Variants in FANCG observed in about 807,000 individuals in gnomAD.
FANCG encodes Fanconi anemia group G protein.
FANCG carries 67 observed loss-of-function variants against 73.3 expected under a neutral mutation model. That is an observed-to-expected ratio of 0.91 (90% confidence interval 0.75 to 1.12). The LOEUF (loss-of-function observed/expected upper bound fraction) is 1.12, where lower values mean the gene tolerates loss of function less well. FANCG is among the 50% of genes most tolerant of loss of function. The pLI, the probability that FANCG is intolerant of heterozygous loss-of-function variation, is 0.00. For synonymous variants in FANCG, 297 were observed against 311.6 expected (o/e 0.95, Z 0.49); for missense variants, 643 against 735.6 (o/e 0.87, Z 1.46).
In FANCG at chr9:35,079,765, G is replaced by A; in HGVS notation, c.-241C>T. 1.7e-6 allele frequency: 1 copy of A among 575,788 alleles called. No individual in the cohort carries two copies. The highest frequency in any genetic ancestry group is 3.1e-6 in the Non-Finnish European group (1 of 321,162). The allele number at this position is 575,788 out of a possible 1,614,324, so 35.7% of individuals were successfully genotyped here. ...GGTTGGCCGGGTCTGCGAAGCTCTG[G>A]GCTGCGGTTGGTCCTCTTGAAGAGT... On this transcript the variant is annotated 5_prime_UTR_variant, in exon 1 of 14. Transcript: ENST00000378643.
intron 4 of FANCG, 118 bp from the exon 5 acceptor site, chr9:35,077,517 G>T: frequency 1.2e-5 from 15 of 1,243,894 alleles, no homozygotes; most frequent in Middle Eastern, 1.9e-4. Flanking sequence ...GAGGACACAG[G>T]CCTCAGCTAC....
chr9:35,077,523 G>C, intron 4 of FANCG, 124 bp from the exon 5 acceptor site: 1 of 1,181,062 alleles, frequency 8.5e-7, no homozygotes, highest in Non-Finnish European at 1.3e-6. Context: ...ACAGGCCTCA[G>C]CTACCCTTAC....
At position 35,074,391 on chromosome 9, in the gene FANCG, C is replaced by T. The variant is rs773083883; in HGVS notation, c.1740G>A (p.Gly580=). 1 of 1,614,200 alleles carries T rather than the reference C, an allele frequency of 6.2e-7. No individual in the cohort carries two copies. Among genetic ancestry groups the T allele is most frequent in the Non-Finnish European group, 8.5e-7 (1 of 1,180,028 alleles). ...CTCACCACAGAGCATCTTCATGTGACCCCTTAGTTTGGGCCTCCAGCCTCC... is the reference window on the plus strand; with the variant it reads ...CTCACCACAGAGCATCTTCATGTGATCCCTTAGTTTGGGCCTCCAGCCTCC... The part of the protein sequence containing the change: ...LWWRLEAQTK[G]SHEDALWSLP... Residue 580 remains glycine, a synonymous_variant, in exon 13 of 14, where the codon GGG becomes GGA. Coordinates refer to ENST00000378643, the MANE Select transcript of FANCG (RefSeq NM_004629.2).
At position 35,075,453 on chromosome 9, in the gene FANCG, C is replaced by T. The variant is rs201070684; in HGVS notation, c.1433+12G>A. ...TCATCCCTCCACACCCCCTCTAGGACCCCGGGCTCACCTGCTAAATTCACT... is the reference window on the plus strand; with the variant it reads ...TCATCCCTCCACACCCCCTCTAGGATCCCGGGCTCACCTGCTAAATTCACT... On this transcript the variant is annotated intron_variant, in intron 10 of 13. Transcript: ENST00000378643. 3.0e-5 allele frequency: 48 copies of T among 1,614,000 alleles called. No homozygotes were observed. The highest frequency in any genetic ancestry group is 3.7e-5 in the Non-Finnish European group (44 of 1,180,020).
At chr9:35,078,905 G>A (rs889369493) in intron 2 of FANCG, among the ~76,000 whole-genome samples, 169 bp from the exon 3 acceptor site, 2 of 152,204 alleles carry the variant, frequency 1.3e-5, no homozygotes, top group Non-Finnish European at 2.9e-5. Context: ...TGGACAGAGA[G>A]TCTGGAAAGG....
intron 1 of FANCG, 46 bp downstream of exon 1, chr9:35,079,395 C>A: frequency 6.2e-7 from 1 of 1,609,410 alleles, no homozygotes; most frequent in Non-Finnish European, 8.5e-7. Context: ...AACCCGCTTT[C>A]AGGGATCTTG....
At position 35,079,533 on chromosome 9, in the gene FANCG, A is replaced by T; in HGVS notation, c.-9T>A. ...GTGGTCTGGCGGGACATGGTGGCCG[A>T]GGCTGGGCCCGGAGACCAGAAGCGG... On this transcript the variant is annotated 5_prime_UTR_variant, in exon 1 of 14. Transcript: ENST00000378643. 1 of 1,613,852 alleles carries T rather than the reference A, an allele frequency of 6.2e-7. No homozygotes were observed. Among genetic ancestry groups the T allele is most frequent in the Non-Finnish European group, 8.5e-7 (1 of 1,179,960 alleles).
In FANCG at chr9:35,075,740, G is replaced by T. The variant is rs201041980; in HGVS notation, c.1158C>A (p.Pro386=). ...DSSEPRFSPP[P]SPPGPCMPEV... ...CAGGCATACAGGGCCCTGGAGGGGA[G>T]GGGGGTGGGGAGAACTGGAGTGGGA... is the stretch of plus-strand genomic sequence containing the variant. Residue 386 remains proline, a synonymous_variant, in exon 10 of 14, where the codon CCC becomes CCA. Coordinates refer to ENST00000378643, the MANE Select transcript of FANCG (RefSeq NM_004629.2). 20 of 588,304 alleles carry T rather than the reference G, an allele frequency of 3.4e-5. No homozygotes were observed. The highest frequency in any genetic ancestry group is 5.6e-5 in the Non-Finnish European group (18 of 319,734). 36.4% of individuals were successfully genotyped at this position (588,304 alleles called of 1,614,324 possible). A position where few individuals can be genotyped will look rare whatever the true frequency, so the allele number is the denominator to read the frequency against.
chr9:35,074,423 G>A lies in FANCG; in HGVS notation c.1708C>T (p.Leu570Phe), dbSNP rs1315856091. The change falls in exon 13 of 14, where the codon CTC becomes TTC. Residue 570 changes from leucine to phenylalanine, a missense_variant. Coordinates refer to ENST00000378643, the MANE Select transcript of FANCG (RefSeq NM_004629.2). The part of the protein sequence containing the change: ...RLDRRDEATA[L>F]WWRLEAQTKG... Reference sequence around the variant, plus strand: ...GTTTGGGCCTCCAGCCTCCACCAGAGTGCAGTGGCCTCATCCCTCCGATCT... The same window carrying A: ...GTTTGGGCCTCCAGCCTCCACCAGAATGCAGTGGCCTCATCCCTCCGATCT... The A allele has an allele frequency of 5.0e-6, 8 of 1,614,224 alleles. No individual in the cohort carries two copies. The highest frequency in any genetic ancestry group is 5.1e-6 in the Non-Finnish European group (6 of 1,180,038).
intron 6 of FANCG, 25 bp from the exon 7 acceptor site, chr9:35,076,895 C>T (rs779357588): frequency 6.2e-7 from 1 of 1,614,228 alleles, no homozygotes. Context: ...GGACACGGGC[C>T]TCAGCTACCC....
rs55802583 is a variant in FANCG at position 35,076,398 on chromosome 9, G to A, written c.1076+34C>T. 4.5e-5 allele frequency: 73 copies of A among 1,612,528 alleles called. No individual in the cohort carries two copies. The African/African-American group carries it at 8.4e-4, about 19-fold the overall frequency. The stretch of plus-strand genomic sequence containing the variant: ...ACCCCAGGGGAGGCATCAGAAGTGG[G>A]AAGAGAAGCTCAGGTGAGCAAGGGG... On this transcript the variant is annotated intron_variant, in intron 8 of 13. Coordinates refer to ENST00000378643, the MANE Select transcript of FANCG (RefSeq NM_004629.2).
chr9:35,076,651 G>A, intron 7 of FANCG, 68 bp from the exon 8 acceptor site: 2 of 1,613,670 alleles, frequency 1.2e-6, no homozygotes, highest in South Asian at 1.1e-5. Flanking sequence ...CTTGGATCTT[G>A]ACTAGTCAAG....
chr9:35,076,196 A>G, intron 8 of FANCG, 168 bp from the exon 9 acceptor site: 1 of 815,858 alleles, frequency 1.2e-6, no homozygotes, highest in Admixed American at 2.0e-5. Context: ...GATCTACCCC[A>G]GTTACAGAAT....
chr9:35,074,409 C>T lies in FANCG; in HGVS notation c.1722G>A (p.Leu574=). 6.2e-7 allele frequency: 1 copy of T among 1,614,208 alleles called. No homozygotes were observed. Among genetic ancestry groups the T allele is most frequent in the South Asian group, 1.1e-5 (1 of 91,086 alleles). ...CATGTGACCCCTTAGTTTGGGCCTC[C>T]AGCCTCCACCAGAGTGCAGTGGCCT... ...RDEATALWWR[L]EAQTKGSHED... The change falls in exon 13 of 14, where the codon CTG becomes CTA. Residue 574 remains leucine (L), a synonymous_variant. Coordinates refer to ENST00000378643, the MANE Select transcript of FANCG (RefSeq NM_004629.2).
chr9:35,075,720 A>C lies in FANCG; in HGVS notation c.1178T>G (p.Met393Arg). ...CGCTGCCTCCAAAAACACCTCAGGCATACAGGGCCCTGGAGGGGAGGGGGG... is the reference window on the plus strand; with the variant it reads ...CGCTGCCTCCAAAAACACCTCAGGCCTACAGGGCCCTGGAGGGGAGGGGGG... ...SPPPSPPGPCMPEVFLEAAVA... is the reference protein window; with the variant it reads ...SPPPSPPGPCRPEVFLEAAVA... Residue 393 changes from methionine to arginine, a missense_variant, in exon 10 of 14, where the codon ATG becomes AGG. By Grantham distance (91) the Met-to-Arg change is moderately conservative. Transcript: ENST00000378643. 2 of 1,012,918 alleles carry C rather than the reference A, an allele frequency of 2.0e-6. No individual in the cohort carries two copies. The highest frequency in any genetic ancestry group is 2.8e-6 in the Non-Finnish European group (2 of 705,894). 62.7% of individuals were successfully genotyped at this position (1,012,918 alleles called of 1,614,324 possible).
chr9:35,074,502 C>T lies in FANCG; in HGVS notation c.1637-8G>A. 1.2e-6 allele frequency: 2 copies of T among 1,613,842 alleles called. No homozygotes were observed. Among genetic ancestry groups the T allele is most frequent in the Non-Finnish European group, 1.7e-6 (2 of 1,179,980 alleles). On this transcript the variant is annotated splice_polypyrimidine_tract_variant and splice_region_variant and intron_variant, in intron 12 of 13. Transcript: ENST00000378643. ...AGTAAGTGTCTCGATTACCTGTAGC[C>T]CCAGCCCAGAGTACAGAGTCTTAGA...
chr9:35,074,885 T>G lies in FANCG; in HGVS notation c.1636+42A>C, dbSNP rs754089024. ...GTATTTCCCATGGGCCTCTCTGTCC[T>G]TGCACATCTATGCATAGCCGACGTC... is the stretch of plus-strand genomic sequence containing the variant. On this transcript the variant is annotated intron_variant, in intron 12 of 13. Transcript: ENST00000378643. The G allele has an allele frequency of 6.2e-6, 10 of 1,612,854 alleles. No individual in the cohort carries two copies. The East Asian group carries it at 2.2e-4, about 36-fold the overall frequency.
In FANCG at chr9:35,078,313, C is replaced by G. The variant is rs778894219; in HGVS notation, c.338G>C (p.Arg113Thr). Residue 113 changes from arginine to threonine, a missense_variant, in exon 4 of 14, where the codon AGG becomes ACG. Arg to Thr is a moderately conservative substitution (Grantham distance 71, BLOSUM62 -1). Coordinates refer to ENST00000378643, the MANE Select transcript of FANCG (RefSeq NM_004629.2). ...VLETQEQQGP[R>T]LEQGLRELWD... is the part of the protein sequence containing the mutation. ...CAGCTCCCTGAGCCCCTGTTCCAAC[C>G]TGGGCCCCTGCTGCTCCTGTGTCTC... 1 of 1,613,842 alleles carries G rather than the reference C, an allele frequency of 6.2e-7. No individual in the cohort carries two copies. Among genetic ancestry groups the G allele is most frequent in the South Asian group, 1.1e-5 (1 of 91,074 alleles).
At position 35,073,979 on chromosome 9, in the gene FANCG, A is replaced by AC; in HGVS notation, c.*128dup. 2.6e-6 allele frequency: 2 copies of AC among 780,166 alleles called. No homozygotes were observed. The highest frequency in any genetic ancestry group is 2.8e-5 in the South Asian group (2 of 70,530). The allele number at this position is 780,166 out of a possible 1,614,324, so 48.3% of individuals were successfully genotyped here. A position where few individuals can be genotyped will look rare whatever the true frequency, so the allele number is the denominator to read the frequency against. On this transcript the variant is annotated 3_prime_UTR_variant, in exon 14 of 14. Coordinates refer to ENST00000378643, the MANE Select transcript of FANCG (RefSeq NM_004629.2). ...TAACTAGGGCAAATTTCACAGGCCT[A>AC]CCACCAATCTCACCAGTCCAGGAAT...
Sources: gnomAD v4.1 joint callset for allele counts (sites outside exome capture counted in the v4.1 genomes callset) on GRCh38, gnomAD v4.1.1 for gene constraint, MANE v1.5 for transcripts, NCBI Gene and HGNC (gene_info 2026-07-23, HGNC 2026-07-21) for gene names.